The following PXDN variants were observed in gnomAD, a reference collection of about 807,000 sequenced individuals.
PXDN encodes peroxidasin homolog.
In PXDN, 77 loss-of-function variants were observed where a neutral mutation model predicts 140.3. The observed-to-expected ratio is 0.55, with a 90% CI of 0.46 to 0.66. The LOEUF is 0.66. Among genes scored for constraint, PXDN ranks in the 30% least tolerant of loss-of-function variants. The probability of loss-of-function intolerance (pLI) is 0.00; values close to 1 mark genes in which losing one functional copy is unlikely to be tolerated. For synonymous variants in PXDN, 911 were observed against 857.4 expected (o/e 1.06, Z -1.09); for missense variants, 1,838 against 2,039.5 (o/e 0.90, Z 1.90).
intron 7 of PXDN, among the ~76,000 whole-genome samples, chr2:1,677,874 G>A (rs1410745213): frequency 6.6e-6 from 1 of 152,236 alleles, no homozygotes; most frequent in Non-Finnish European, 1.5e-5. Context: ...CCACACACAG[G>A]TGTGTACAAG....
At position 1,648,299 on chromosome 2, in the gene PXDN, G is replaced by T. The variant is rs1682903118; in HGVS notation, c.3481C>A (p.Arg1161=). ...ALDLAAINIQ[R]GRDHGIPPYH... ...GGTGGGATCCCGTGGTCCCGGCCCC[G>T]CTGGATGTTGATGGCCGCCAGGTCC... Residue 1161 remains arginine, a synonymous_variant, in exon 17 of 23, where the codon CGG becomes AGG. Coordinates refer to ENST00000252804, the MANE Select transcript of PXDN (RefSeq NM_012293.3). This position sits in a 1 kb window ranked among gnomAD's most constrained non-coding sequence, Gnocchi z 8.9. 6.2e-7 allele frequency: 1 copy of T among 1,613,720 alleles called. No homozygotes were observed. The highest frequency in any genetic ancestry group is 1.1e-5 in the South Asian group (1 of 91,070).
Position 1,687,077 on chromosome 2 carries a change from C to T in PXDN, c.416+555G>A, listed in dbSNP as rs1330486344. On this transcript the variant is annotated intron_variant, in intron 4 of 22. Transcript: ENST00000252804. This position sits in a 1 kb window ranked among gnomAD's most constrained non-coding sequence, Gnocchi z 4.0. Reference sequence around the variant, plus strand: ...GACTTCACAGCAAAGTACGACTTCACGTTGGCCAAAGAAACTAAGAGCGTT... The same window carrying T: ...GACTTCACAGCAAAGTACGACTTCATGTTGGCCAAAGAAACTAAGAGCGTT... Among the ~76,000 whole-genome samples the T allele has an allele frequency of 2.0e-5, 3 of 152,206 alleles. No individual in the cohort carries two copies. Among genetic ancestry groups the T allele is most frequent in the Admixed American group, 6.5e-5 (1 of 15,286 alleles).
Position 1,687,866 on chromosome 2 carries a change from GCTTCC to G in PXDN, c.345-168_345-164del, listed in dbSNP as rs1234705504. On this transcript the variant is annotated intron_variant, in intron 3 of 22. Coordinates refer to ENST00000252804, the MANE Select transcript of PXDN (RefSeq NM_012293.3). This position sits in a 1 kb window ranked among gnomAD's most constrained non-coding sequence, Gnocchi z 4.0. ...GGTGAGTACAGTGCCTCTCCCAAGGGCTTCCCTTCCCTCAGATCTCAAGGGGGCTA... is the reference window on the plus strand; with the variant it reads ...GGTGAGTACAGTGCCTCTCCCAAGGGCTTCCCTCAGATCTCAAGGGGGCTA... Among the ~76,000 whole-genome samples, 8 of 152,156 alleles carry G rather than the reference GCTTCC, an allele frequency of 5.3e-5. No homozygotes were observed. The highest frequency in any genetic ancestry group is 4.6e-4 in the Admixed American group (7 of 15,274).
chr2:1,692,055 T>C (rs1684193257), intron 2 of PXDN, 56 bp from the exon 3 acceptor site: 2 of 1,249,960 alleles, frequency 1.6e-6, no homozygotes, highest in Middle Eastern at 1.9e-4. Context: ...AACTTCGAAG[T>C]TGTGTTAAAA....
At position 1,714,541 on chromosome 2, in the gene PXDN, G is replaced by T. The variant is rs543313784; in HGVS notation, c.201-21407C>A. On this transcript the variant is annotated intron_variant, in intron 1 of 22. Coordinates refer to ENST00000252804, the MANE Select transcript of PXDN (RefSeq NM_012293.3). The surrounding 1 kb of genome is among the most constrained non-coding windows in gnomAD (Gnocchi z 4.3). ...GCCCCTCCCACAGCAGGCCCAGTGC[G>T]TGCATTCCCTGAAAGGCCAGGTGGG... Among the ~76,000 whole-genome samples the T allele has an allele frequency of 6.6e-6, 1 of 152,128 alleles. No individual in the cohort carries two copies. The highest frequency in any genetic ancestry group is 6.5e-5 in the Admixed American group (1 of 15,278).
At chr2:1,635,636 G>A in intron 21 of PXDN, 115 bp from the exon 22 acceptor site, 1 of 837,570 alleles carries the variant, frequency 1.2e-6, no homozygotes, top group Non-Finnish European at 2.0e-6. Context: ...CAACATTTGA[G>A]GGGAATATTT....
intron 13 of PXDN, among the ~76,000 whole-genome samples, chr2:1,661,527 G>A (rs1683303358): frequency 7.0e-6 from 1 of 142,980 alleles, no homozygotes; most frequent in Non-Finnish European, 1.5e-5. Flanking sequence ...AGATTCACAG[G>A]GCAGTGCAGG....
intron 8 of PXDN, among the ~76,000 whole-genome samples, chr2:1,675,326 T>G (rs1683674348): frequency 6.6e-6 from 1 of 152,206 alleles, no homozygotes; most frequent in Admixed American, 6.5e-5. Context: ...TCTGCCATAT[T>G]TAGCTGTGAG....
chr2:1,642,787 G>A (rs745826504), intron 19 of PXDN, among the ~76,000 whole-genome samples: 7 of 152,212 alleles, frequency 4.6e-5, no homozygotes, highest in Non-Finnish European at 1.0e-4. Context: ...CAGGGAAGAC[G>A]GAGCTGGCAC....
intron 1 of PXDN, among the ~76,000 whole-genome samples, chr2:1,711,654 C>T (rs990916598): frequency 1.9e-4 from 10 of 53,100 alleles, no homozygotes; most frequent in Non-Finnish European, 4.0e-4. Context: ...CCCACTCCAC[C>T]AGCACCCACT....
At chr2:1,719,687 T>C (rs1206100601) in intron 1 of PXDN, among the ~76,000 whole-genome samples, 1 of 152,192 alleles carries the variant, frequency 6.6e-6, no homozygotes, top group Non-Finnish European at 1.5e-5. Context: ...GACTAGCACA[T>C]GGACCACTGT....
chr2:1,722,157 T>C (rs957323223), intron 1 of PXDN, among the ~76,000 whole-genome samples: 55 of 152,228 alleles, frequency 3.6e-4, no homozygotes, highest in African/African-American at 1.3e-3. Context: ...AGGAAGTTTC[T>C]GAGCGAGCGG....
At chr2:1,653,979 C>T (rs1425023960) in intron 15 of PXDN, 194 bp from the exon 16 acceptor site, 3 of 616,322 alleles carry the variant, frequency 4.9e-6, no homozygotes, top group Non-Finnish European at 8.0e-6. Context: ...AACCGGAAGA[C>T]ACTAAAAACA....
At chr2:1,657,111 G>A (rs981597354) in intron 14 of PXDN, among the ~76,000 whole-genome samples, 2 of 148,716 alleles carry the variant, frequency 1.3e-5, no homozygotes, top group East Asian at 2.1e-4. Context: ...ACAGGGACCC[G>A]AACTCTTTAA....
In PXDN at chr2:1,649,800, C is replaced by G; in HGVS notation, c.2105-125G>C. ...CCCCCAGCTCATGAAACCTGTTGTG[C>G]GCCATGCAACAAGCGCTTCCTGCTG... On this transcript the variant is annotated intron_variant, in intron 16 of 22. Transcript: ENST00000252804. This position sits in a 1 kb window ranked among gnomAD's most constrained non-coding sequence, Gnocchi z 7.1. The G allele has an allele frequency of 8.9e-7, 1 of 1,118,056 alleles. No individual in the cohort carries two copies. Among genetic ancestry groups the G allele is most frequent in the South Asian group, 1.3e-5 (1 of 74,362 alleles). 69.3% of individuals were successfully genotyped at this position (1,118,056 alleles called of 1,614,324 possible).
At chr2:1,688,475 T>G (rs1684111827) in intron 3 of PXDN, among the ~76,000 whole-genome samples, 1 of 152,150 alleles carries the variant, frequency 6.6e-6, no homozygotes, top group South Asian at 2.1e-4. Context: ...GGATGAAAAT[T>G]TCCACACCAA....
intron 8 of PXDN, among the ~76,000 whole-genome samples, chr2:1,674,498 C>T (rs989057501): frequency 6.6e-6 from 1 of 152,228 alleles, no homozygotes; most frequent in Admixed American, 6.5e-5. Flanking sequence ...CATGGCTTGG[C>T]CAGTCCTCGG....
intron 9 of PXDN, among the ~76,000 whole-genome samples, chr2:1,667,603 GTC>G (rs1487640789): frequency 2.6e-5 from 4 of 152,136 alleles, no homozygotes; most frequent in African/African-American, 9.7e-5. Context: ...CTTCAGCAGA[GTC>G]TCAGGGCACA....
At chr2:1,701,048 C>T (rs959080654) in intron 1 of PXDN, among the ~76,000 whole-genome samples, 2 of 152,192 alleles carry the variant, frequency 1.3e-5, no homozygotes, top group Non-Finnish European at 2.9e-5. Flanking sequence ...CTGGGAAAGG[C>T]GGGAGGCTGA....
Sources: gnomAD v4.1 joint callset for allele counts (sites outside exome capture counted in the v4.1 genomes callset) on GRCh38, gnomAD v4.1.1 for gene constraint, Gnocchi (gnomAD v3.1) non-coding constraint, MANE v1.5 for transcripts, NCBI Gene and HGNC (gene_info 2026-07-23, HGNC 2026-07-21) for gene names.